The following FBXO34 variants were observed in gnomAD, a reference collection of about 807,000 sequenced individuals.
FBXO34 encodes the protein F-box only protein 34.
Under a neutral mutation model 24.5 loss-of-function variants are expected in FBXO34, and 12 were observed. That is an observed-to-expected ratio of 0.49 (90% CI 0.31 to 0.79). The LOEUF (loss-of-function observed/expected upper bound fraction) is 0.79, where lower values mean the gene tolerates loss of function less well. Among genes scored for constraint, FBXO34 ranks in the 30% least tolerant of loss-of-function variants. The probability of loss-of-function intolerance (pLI) is 0.04; values close to 1 mark genes in which losing one functional copy is unlikely to be tolerated. For synonymous variants in FBXO34, 320 were observed against 311.9 expected (o/e 1.03, Z -0.27); for missense variants, 823 against 857.7 (o/e 0.96, Z 0.51).
downstream of FBXO34, among the ~76,000 whole-genome samples, chr14:55,357,546 G>T (rs1193854651): frequency 1.3e-5 from 2 of 152,116 alleles, no homozygotes; most frequent in African/African-American, 4.8e-5. Context: ...GAAGTATGAA[G>T]GGCTCATGCC....
intron 1 of FBXO34, among the ~76,000 whole-genome samples, chr14:55,336,850 T>C (rs1189959734): frequency 6.7e-6 from 1 of 150,300 alleles, no homozygotes; most frequent in Non-Finnish European, 1.5e-5. Context: ...TATACACATA[T>C]AGAATATATA....
chr14:55,294,930 A>G (rs1264042858), intron 1 of FBXO34, among the ~76,000 whole-genome samples: 1 of 152,264 alleles, frequency 6.6e-6, no homozygotes. Context: ...ACCAAATATC[A>G]TAGCTTAGCC....
At chr14:55,331,214 T>C (rs1287159874) in intron 1 of FBXO34, among the ~76,000 whole-genome samples, 1 of 152,168 alleles carries the variant, frequency 6.6e-6, no homozygotes, top group African/African-American at 2.4e-5. Context: ...ATTCCAGTGT[T>C]GCATATTTGG....
chr14:55,331,148 CTAT>C (rs1883519590), intron 1 of FBXO34, among the ~76,000 whole-genome samples: 1 of 152,136 alleles, frequency 6.6e-6, no homozygotes, highest in Non-Finnish European at 1.5e-5. Flanking sequence ...GATTGGGCTT[CTAT>C]TATAATACCC....
chr14:55,322,309 CA>C (rs3084455), intron 1 of FBXO34, among the ~76,000 whole-genome samples: 27,722 of 121,806 alleles, frequency 0.23, 2,995 homozygotes, highest in African/African-American at 0.34. Flanking sequence ...GACTCTGTCT[CA>C]AAAAAAAAAA....
At chr14:55,372,134 A>G (rs893688699), downstream of FBXO34, among the ~76,000 whole-genome samples, 9 of 151,996 alleles carry the variant, frequency 5.9e-5, no homozygotes, top group Non-Finnish European at 1.0e-4. Context: ...CTCATCTCAC[A>G]TATCTGAACC....
the FBXO34 span, among the ~76,000 whole-genome samples, chr14:55,430,984 A>G: frequency 6.6e-6 from 1 of 152,232 alleles, no homozygotes; most frequent in Non-Finnish European, 1.5e-5. Flanking sequence ...GAAACAACTA[A>G]TAGTTGAAAG....
At chr14:55,346,662 A>G (rs1212821598) in intron 1 of FBXO34, among the ~76,000 whole-genome samples, 2 of 152,186 alleles carry the variant, frequency 1.3e-5, no homozygotes, top group Non-Finnish European at 2.9e-5. Flanking sequence ...CTGGGGAAGA[A>G]GAGAGCTGGG....
intron 1 of FBXO34, among the ~76,000 whole-genome samples, chr14:55,316,544 T>G (rs952497682): frequency 7.2e-6 from 1 of 137,988 alleles, no homozygotes; most frequent in Admixed American, 7.5e-5. Context: ...CTGGGCAACA[T>G]GGCAAAACCC....
chr14:55,392,821 T>C, the FBXO34 span, among the ~76,000 whole-genome samples: 1 of 152,146 alleles, frequency 6.6e-6, no homozygotes, highest in South Asian at 2.1e-4. Flanking sequence ...TACAGGGATG[T>C]TATGGTGAGC....
chr14:55,320,831 T>C (rs1037056839), intron 1 of FBXO34, among the ~76,000 whole-genome samples: 4 of 152,332 alleles, frequency 2.6e-5, no homozygotes, highest in African/African-American at 4.8e-5. Context: ...GTTAAAACTT[T>C]TGTTAAATCT....
the FBXO34 span, chr14:55,437,001 G>A: frequency 2.2e-5 from 36 of 1,614,034 alleles, no homozygotes; most frequent in African/African-American, 4.4e-4. Context: ...GGGGAGACCT[G>A]GGTGGGGCAA....
intron 1 of FBXO34, among the ~76,000 whole-genome samples, chr14:55,310,692 C>G (rs1021128428): frequency 2.0e-5 from 3 of 152,128 alleles, no homozygotes; most frequent in Non-Finnish European, 4.4e-5. Flanking sequence ...TGATTCTATA[C>G]CAAATCCATA....
intron 1 of FBXO34, among the ~76,000 whole-genome samples, chr14:55,290,562 T>C (rs2139675875): frequency 6.6e-6 from 1 of 152,260 alleles, no homozygotes; most frequent in South Asian, 2.1e-4. Flanking sequence ...GCTGCCTGTG[T>C]CCTCATTGAC....
rs71131258 is a variant in FBXO34 at position 55,283,944 on chromosome 14, A to ATGTGTGTGTGTG, written c.-11+12427_-11+12438dup. 7.9e-3 allele frequency among the ~76,000 whole-genome samples: 1,131 copies of ATGTGTGTGTGTG among 142,642 alleles called. 4 individuals are homozygous for ATGTGTGTGTGTG. Among genetic ancestry groups the ATGTGTGTGTGTG allele is most frequent in the Middle Eastern group, 0.028 (7 of 246 alleles). 93.6% of individuals were successfully genotyped at this position (142,642 alleles called of 152,430 possible). On this transcript the variant is annotated intron_variant, in intron 1 of 1. Transcript: ENST00000313833. ...AAACGTGACTTTACATTCTAAGACTATGTGTGTGTGTGTGTGTGTGTGTGT... is the reference window on the plus strand; with the variant it reads ...AAACGTGACTTTACATTCTAAGACTATGTGTGTGTGTGTGTGTGTGTGTGTGTGTGTGTGTGT...
chr14:55,342,157 C>T (rs986737525), intron 1 of FBXO34, among the ~76,000 whole-genome samples: 2 of 152,106 alleles, frequency 1.3e-5, no homozygotes, highest in African/African-American at 4.8e-5. Flanking sequence ...TATCATAGAC[C>T]TTTCTCTACC....
downstream of FBXO34, among the ~76,000 whole-genome samples, chr14:55,373,994 C>T (rs1884871728): frequency 6.6e-6 from 1 of 152,072 alleles, no homozygotes; most frequent in Admixed American, 6.5e-5. Context: ...AGATGTGACT[C>T]ACAGCCTAAT....
chr14:55,439,882 G>C, the FBXO34 span, among the ~76,000 whole-genome samples: 1 of 139,182 alleles, frequency 7.2e-6, no homozygotes, highest in Non-Finnish European at 1.5e-5. Flanking sequence ...AGTGAGCCGA[G>C]ATCGCGCCAC....
At chr14:55,313,198 G>T (rs1481198135) in intron 1 of FBXO34, among the ~76,000 whole-genome samples, 1 of 152,052 alleles carries the variant, frequency 6.6e-6, no homozygotes, top group Admixed American at 6.6e-5. Context: ...AAGTTCCACA[G>T]ATCTCTAAGG....
Sources: gnomAD v4.1 joint callset for allele counts (sites outside exome capture counted in the v4.1 genomes callset) on GRCh38, gnomAD v4.1.1 for gene constraint, MANE v1.5 for transcripts, NCBI Gene and HGNC (gene_info 2026-07-23, HGNC 2026-07-21) for gene names.